Variants in ZNF99 observed in about 807,000 individuals in gnomAD.
The protein encoded by ZNF99 is zinc finger protein 99.
A neutral mutation model predicts 12.8 loss-of-function variants in ZNF99; 8 were observed. The ratio of observed to expected loss-of-function variants is 0.62; its 90% CI spans 0.37 to 1.13. The LOEUF is 1.13. ZNF99 is among the 50% of genes most tolerant of loss of function. The pLI, the probability that ZNF99 is intolerant of heterozygous loss-of-function variation, is 0.02. For missense variants in ZNF99, 1,007 were observed against 1,006.2 expected, an observed-to-expected ratio of 1.00 and a Z score of -0.01; for synonymous variants, 318 against 319.0, an observed-to-expected ratio of 1.00 and a Z score of 0.03.
chr19:22,768,487 G>A, intron 2 of ZNF99, 87 bp from the exon 3 acceptor site: 2 of 1,099,448 alleles, frequency 1.8e-6, no homozygotes, highest in South Asian at 1.8e-5. Flanking sequence ...GAATATTCTA[G>A]TAAATTGATC....
intron 3 of ZNF99, among the ~76,000 whole-genome samples, chr19:22,766,632 C>G (rs550644969): frequency 2.0e-5 from 3 of 149,806 alleles, no homozygotes; most frequent in Admixed American, 6.6e-5. Context: ...CCACCGTGCC[C>G]GGCATAACTT....
intron 3 of ZNF99, among the ~76,000 whole-genome samples, chr19:22,764,976 C>T (rs1381057648): frequency 6.6e-6 from 1 of 152,134 alleles, no homozygotes; most frequent in African/African-American, 2.4e-5. Context: ...CCAGCAATCC[C>T]ACTACTGGGT....
chr19:22,756,620 T>C lies in ZNF99; in HGVS notation c.*694A>G, dbSNP rs1316149901. 2 of 1,597,464 alleles carry C rather than the reference T, an allele frequency of 1.3e-6. No homozygotes were observed. The highest frequency in any genetic ancestry group is 3.0e-5 in the African/African-American group (2 of 65,992). On this transcript the variant is annotated 3_prime_UTR_variant, in exon 4 of 4. Coordinates refer to ENST00000596209, the MANE Select transcript of ZNF99 (RefSeq NM_001080409.3). The stretch of plus-strand genomic sequence containing the variant: ...AAAGCTTTGCCACATTCTTCACATT[T>C]GTACGGTTTCTCCCCAGTATGAATT...
intron 1 of ZNF99, 126 bp downstream of exon 1, chr19:22,783,888 G>T: frequency 7.8e-7 from 1 of 1,280,916 alleles, no homozygotes; most frequent in Non-Finnish European, 1.1e-6. Context: ...AGGCCGAGCT[G>T]GGCAAGAGCT....
At position 22,758,418 on chromosome 19, in the gene ZNF99, A is replaced by C. The variant is rs1274127856; in HGVS notation, c.1491T>G (p.Thr497=). 11 of 1,603,936 alleles carry C rather than the reference A, an allele frequency of 6.9e-6. No homozygotes were observed. The African/African-American group carries it at 1.3e-4, about 20-fold the overall frequency. Residue 497 remains threonine (T), a synonymous_variant, in exon 4 of 4, where the codon ACT becomes ACG. Transcript: ENST00000596209. ...GKAFKWSSKL[T]VHKVIHMEEK... ...CTTCCATATGAATTACCTTATGTACAGTAAGTTTTGAGGACCACTTAAAAG... is the reference window on the plus strand; with the variant it reads ...CTTCCATATGAATTACCTTATGTACCGTAAGTTTTGAGGACCACTTAAAAG...
intron 3 of ZNF99, among the ~76,000 whole-genome samples, chr19:22,760,773 G>T (rs967678169): frequency 6.6e-6 from 1 of 151,708 alleles, no homozygotes; most frequent in African/African-American, 2.4e-5. Context: ...AAATAAAATG[G>T]CAGCTTGAAT....
Position 22,752,822 on chromosome 19 carries a change from T to C in ZNF99, c.*4492A>G, listed in dbSNP as rs1972988423. On this transcript the variant is annotated 3_prime_UTR_variant, in exon 4 of 4. Transcript: ENST00000596209. ...TAATACATCACTAATTTAATTTTAA[T>C]TTTAACTAAAATTTTAAAATGTTTT... 6.6e-6 allele frequency: 1 copy of C among 152,142 alleles called. No homozygotes were observed. The highest frequency in any genetic ancestry group is 2.1e-4 in the South Asian group (1 of 4,834). The allele number at this position is 152,142 out of a possible 1,614,324, so 9.4% of individuals were successfully genotyped here. A position where few individuals can be genotyped will look rare whatever the true frequency, so the allele number is the denominator to read the frequency against.
At chr19:22,775,859 T>C (rs79216041) in intron 1 of ZNF99, among the ~76,000 whole-genome samples, 15,663 of 151,628 alleles carry the variant, frequency 0.1, 1,841 homozygotes, top group African/African-American at 0.29. Context: ...ACCCAGTCTT[T>C]ACTAAAAACA....
chr19:22,770,084 T>C, intron 1 of ZNF99: 1 of 1,140,462 alleles, frequency 8.8e-7, no homozygotes. Flanking sequence ...TCTGAGTTTC[T>C]GAATTTGACA....
intron 1 of ZNF99, among the ~76,000 whole-genome samples, chr19:22,779,089 C>A (rs1181934658): frequency 6.6e-6 from 1 of 152,002 alleles, no homozygotes; most frequent in Non-Finnish European, 1.5e-5. Context: ...TAATAAAATT[C>A]TCTATCCTTT....
chr19:22,782,900 C>T (rs1973405188), intron 1 of ZNF99, among the ~76,000 whole-genome samples: 2 of 138,702 alleles, frequency 1.4e-5, no homozygotes, highest in Admixed American at 7.1e-5. Flanking sequence ...GAACTCCTGA[C>T]TTCGTGATTC....
Position 22,756,441 on chromosome 19 carries a change from C to A in ZNF99, c.*873G>T. The A allele has an allele frequency of 6.3e-7, 1 of 1,584,510 alleles. No individual in the cohort carries two copies. On this transcript the variant is annotated 3_prime_UTR_variant, in exon 4 of 4. Transcript: ENST00000596209. ...TTTGAGGACTAAATGCTTTACCACA[C>A]TCTTCACATTTGTAGGGTTTCTTTC...
intron 1 of ZNF99, among the ~76,000 whole-genome samples, chr19:22,776,716 T>C (rs755706243): frequency 3.4e-5 from 5 of 147,350 alleles, no homozygotes; most frequent in Non-Finnish European, 7.6e-5. Context: ...AACCTCATAA[T>C]TGGGTATATA....
chr19:22,782,105 T>C (rs1170690634), intron 1 of ZNF99, among the ~76,000 whole-genome samples: 1 of 152,150 alleles, frequency 6.6e-6, no homozygotes, highest in African/African-American at 2.4e-5. Flanking sequence ...AGTATCAAAA[T>C]GTACACTAAG....
rs1225230586 is a variant in ZNF99 at position 22,756,837 on chromosome 19, A to C, written c.*477T>G. ...TATCTCATGTTTTCTAAGGGCTGAG[A>C]AATGCTTAAAAGCTTTGCCACATTC... On this transcript the variant is annotated 3_prime_UTR_variant, in exon 4 of 4. Coordinates refer to ENST00000596209, the MANE Select transcript of ZNF99 (RefSeq NM_001080409.3). 6.2e-7 allele frequency: 1 copy of C among 1,606,590 alleles called. No individual in the cohort carries two copies. Among genetic ancestry groups the C allele is most frequent in the African/African-American group, 1.4e-5 (1 of 73,642 alleles).
chr19:22,755,652 G>A lies in ZNF99; in HGVS notation c.*1662C>T, dbSNP rs1294086059. The stretch of plus-strand genomic sequence containing the variant: ...TCTCCAAGATAAATTATTTTATGTT[G>A]AGTAAAGTTTGAGGACTGGTTAAAA... On this transcript the variant is annotated 3_prime_UTR_variant, in exon 4 of 4. Transcript: ENST00000596209. The A allele has an allele frequency of 1.1e-5, 3 of 278,444 alleles. No homozygotes were observed. Among genetic ancestry groups the A allele is most frequent in the Admixed American group, 8.9e-5 (2 of 22,388 alleles). 17.2% of individuals were successfully genotyped at this position (278,444 alleles called of 1,614,324 possible). A position where few individuals can be genotyped will look rare whatever the true frequency, so the allele number is the denominator to read the frequency against.
chr19:22,760,474 G>A (rs946608430), intron 3 of ZNF99, among the ~76,000 whole-genome samples: 3 of 152,178 alleles, frequency 2.0e-5, no homozygotes, highest in Non-Finnish European at 4.4e-5. Flanking sequence ...GCCGGGCACG[G>A]TGGCTCAGGC....
chr19:22,772,677 CAAAA>C (rs554077499), intron 1 of ZNF99, among the ~76,000 whole-genome samples: 2 of 112,898 alleles, frequency 1.8e-5, no homozygotes, highest in African/African-American at 3.3e-5. Flanking sequence ...AATTCTGTCT[CAAAA>C]AAAAAAAAAA....
intron 1 of ZNF99, among the ~76,000 whole-genome samples, chr19:22,773,664 G>A (rs1973296086): frequency 6.6e-6 from 1 of 152,092 alleles, no homozygotes; most frequent in Non-Finnish European, 1.5e-5. Context: ...TATCTTTTTG[G>A]CTATTTATAT....
Sources: gnomAD v4.1 joint callset for allele counts (sites outside exome capture counted in the v4.1 genomes callset) on GRCh38, gnomAD v4.1.1 for gene constraint, MANE v1.5 for transcripts, NCBI Gene and HGNC (gene_info 2026-07-23, HGNC 2026-07-21) for gene names.